The following CFHR4 variants were observed in gnomAD, a reference collection of about 807,000 sequenced individuals.
CFHR4 encodes the protein complement factor H related 4.
CFHR4 carries 64 observed loss-of-function variants against 69.3 expected under a neutral mutation model. The observed-to-expected ratio is 0.92, with a 90% CI of 0.76 to 1.14. CFHR4 has a LOEUF of 1.14. Ranked by LOEUF, CFHR4 falls within the 50% of genes most tolerant of loss-of-function variation. CFHR4 has a pLI of 0.00. For missense variants in CFHR4, 636 were observed against 684.9 expected (o/e 0.93, Z 0.80); for synonymous variants, 244 against 237.0 (o/e 1.03, Z -0.27).
At chr1:196,888,456 T>A (rs1377947841) in intron 1 of CFHR4, among the ~76,000 whole-genome samples, 1 of 151,242 alleles carries the variant, frequency 6.6e-6, no homozygotes, top group Non-Finnish European at 1.5e-5. Flanking sequence ...CATCTAATAT[T>A]CATTATGGAG....
At position 196,905,150 on chromosome 1, in the gene CFHR4, T is replaced by C. The variant is rs1422893778; in HGVS notation, c.299T>C (p.Ile100Thr). The C allele has an allele frequency of 6.2e-7, 1 of 1,606,046 alleles. No individual in the cohort carries two copies. The highest frequency in any genetic ancestry group is 1.1e-5 in the South Asian group (1 of 89,466). The part of the protein sequence containing the change: ...KSDVEIENGF[I>T]SESSSIYILN... ...GATGTAGAAATTGAAAATGGATTCA[T>C]TTCTGAATCTTCCTCTATTTATATT... Residue 100 changes from isoleucine (I) to threonine (T), a missense_variant, in exon 3 of 10, where the codon ATT becomes ACT. By Grantham distance (89) the Ile-to-Thr change is moderately conservative (BLOSUM62 -1). Transcript: ENST00000608469.
intron 5 of CFHR4, among the ~76,000 whole-genome samples, chr1:196,908,360 G>A (rs1045762663): frequency 2.0e-5 from 3 of 151,466 alleles, no homozygotes; most frequent in Admixed American, 1.3e-4. Flanking sequence ...AATGCTTCCT[G>A]ATAGAGCACA....
intron 1 of CFHR4, among the ~76,000 whole-genome samples, chr1:196,897,933 A>G (rs1447319398): frequency 6.6e-6 from 1 of 151,416 alleles, no homozygotes; most frequent in Non-Finnish European, 1.5e-5. Context: ...GACTCTCACT[A>G]AATCAACCAG....
Position 196,910,436 on chromosome 1 carries a change from C to T in CFHR4, c.955C>T (p.His319Tyr), listed in dbSNP as rs1381763507. ...TTCAGGAAGTTACTGGGATTACATTCACTGCACACAAGATGGGTGGTTGCC... is the reference window on the plus strand; with the variant it reads ...TTCAGGAAGTTACTGGGATTACATTTACTGCACACAAGATGGGTGGTTGCC... ...TPSGSYWDYI[H>Y]CTQDGWLPTV... Residue 319 changes from histidine to tyrosine, a missense_variant, in exon 6 of 10, where the codon CAC becomes TAC. Transcript: ENST00000608469. The T allele has an allele frequency of 2.2e-5, 35 of 1,612,766 alleles. No individual in the cohort carries two copies. The highest frequency in any genetic ancestry group is 2.9e-5 in the Non-Finnish European group (34 of 1,179,632).
chr1:196,889,680 G>T (rs1656914862), intron 1 of CFHR4, among the ~76,000 whole-genome samples: 1 of 151,498 alleles, frequency 6.6e-6, no homozygotes. Flanking sequence ...AAACATCTTT[G>T]TGAATTCAGT....
chr1:196,917,108 T>A (rs185660262), intron 9 of CFHR4, among the ~76,000 whole-genome samples: 1 of 149,480 alleles, frequency 6.7e-6, no homozygotes. Context: ...AAGTGATATG[T>A]ACTATGTTAA....
rs151179803 is a variant in CFHR4, at chr1:196,898,858, T to C, written c.59-3560T>C. Among the ~76,000 whole-genome samples the C allele has an allele frequency of 8.4e-3, 1,277 of 151,394 alleles. 52 individuals are homozygous for C. The highest frequency in any genetic ancestry group is 0.03 in the African/African-American group (1,227 of 41,036). ...CACTCACACAGATTTTGGTAGGAGG[T>C]CCCAGTACCTTACCACATTGTCCCC... On this transcript the variant is annotated intron_variant, in intron 1 of 9. Coordinates refer to ENST00000608469, the MANE Select transcript of CFHR4 (RefSeq NM_001201550.3).
At chr1:196,903,561 G>A (rs1342746184) in intron 2 of CFHR4, among the ~76,000 whole-genome samples, 1 of 151,122 alleles carries the variant, frequency 6.6e-6, no homozygotes, top group Non-Finnish European at 1.5e-5. Flanking sequence ...GCTGAGGCTG[G>A]AGAATGGCTT....
rs185135139 is a variant in CFHR4, at chr1:196,906,935, T to C, written c.514T>C (p.Leu172=). 48 of 1,612,468 alleles carry C rather than the reference T, an allele frequency of 3.0e-5. 1 individual carries two copies. In the East Asian group the frequency reaches 8.3e-4, roughly 28 times the overall value. Residue 172 remains leucine (L), a synonymous_variant, in exon 4 of 10, where the codon TTG becomes CTG. Coordinates refer to ENST00000608469, the MANE Select transcript of CFHR4 (RefSeq NM_001201550.3). ...CATGTGGTTTAAGCTCCATGACACATTGGACTATGAATGCTATGATGGATA... is the reference window on the plus strand; with the variant it reads ...CATGTGGTTTAAGCTCCATGACACACTGGACTATGAATGCTATGATGGATA... ...NGMWFKLHDT[L]DYECYDGYES...
intron 9 of CFHR4, among the ~76,000 whole-genome samples, chr1:196,915,843 C>G (rs1658588719): frequency 6.6e-6 from 1 of 151,288 alleles, no homozygotes; most frequent in Non-Finnish European, 1.5e-5. Flanking sequence ...ATTATTAACA[C>G]TGAGGTAGAG....
At chr1:196,889,874 C>T (rs904968726) in intron 1 of CFHR4, among the ~76,000 whole-genome samples, 2 of 151,338 alleles carry the variant, frequency 1.3e-5, no homozygotes, top group Non-Finnish European at 2.9e-5. Flanking sequence ...AAGGACACAC[C>T]ATATAGAGAA....
Position 196,910,452 on chromosome 1 carries a change from G to A in CFHR4, c.971G>A (p.Gly324Glu). 3 of 1,612,598 alleles carry A rather than the reference G, an allele frequency of 1.9e-6. No homozygotes were observed. The highest frequency in any genetic ancestry group is 2.5e-6 in the Non-Finnish European group (3 of 1,179,528). The part of the protein sequence containing the change: ...YWDYIHCTQD[G>E]WLPTVPCLRT... The stretch of plus-strand genomic sequence containing the variant: ...GATTACATTCACTGCACACAAGATG[G>A]GTGGTTGCCAACAGTCCCATGCCTC... Residue 324 changes from glycine (G) to glutamate (E), a missense_variant, in exon 6 of 10, where the codon GGG becomes GAG. Physicochemically the swap from Gly to Glu is moderately conservative, Grantham distance 98 (BLOSUM62 -2). Transcript: ENST00000608469.
intron 6 of CFHR4, among the ~76,000 whole-genome samples, chr1:196,912,033 T>C (rs757346351): frequency 2.6e-5 from 4 of 151,398 alleles, no homozygotes; most frequent in Admixed American, 2.0e-4. Flanking sequence ...AAAGAACATA[T>C]ACATTACTAA....
At position 196,892,208 on chromosome 1, in the gene CFHR4, T is replaced by C. The variant is rs116305327; in HGVS notation, c.58+4000T>C. On this transcript the variant is annotated intron_variant, in intron 1 of 9. Transcript: ENST00000608469. ...AAGTGGAATGAGGTTCTTCTTGTCT[T>C]GTTAGCTGATTTGGGAGCCACTAAG... 9.0e-3 allele frequency among the ~76,000 whole-genome samples: 1,370 copies of C among 151,562 alleles called. 64 individuals carry two copies. The highest frequency in any genetic ancestry group is 0.032 in the African/African-American group (1,303 of 41,116).
chr1:196,890,526 G>C (rs190342908), intron 1 of CFHR4, among the ~76,000 whole-genome samples: 3 of 151,394 alleles, frequency 2.0e-5, no homozygotes, highest in Admixed American at 6.6e-5. Flanking sequence ...ATTTAAAATA[G>C]GTTGTCAGGA....
In CFHR4 at chr1:196,897,672, C is replaced by T. The variant is rs7522691; in HGVS notation, c.59-4746C>T. 9.0e-3 allele frequency among the ~76,000 whole-genome samples: 1,364 copies of T among 151,488 alleles called. 48 individuals carry two copies. The highest frequency in any genetic ancestry group is 0.031 in the African/African-American group (1,268 of 41,074). On this transcript the variant is annotated intron_variant, in intron 1 of 9. Transcript: ENST00000608469. The stretch of plus-strand genomic sequence containing the variant: ...CTCCCCTAGCGGAACTCATTTCCCT[C>T]GGCATCCAGACATTCCTGCTCTTCT...
chr1:196,889,539 A>G (rs1656908474), intron 1 of CFHR4, among the ~76,000 whole-genome samples: 1 of 151,632 alleles, frequency 6.6e-6, no homozygotes, highest in East Asian at 1.9e-4. Flanking sequence ...ATTCCAGTTG[A>G]AAACTTTTCT....
intron 1 of CFHR4, among the ~76,000 whole-genome samples, chr1:196,902,078 A>G (rs1177504122): frequency 6.6e-6 from 1 of 151,546 alleles, no homozygotes; most frequent in African/African-American, 2.4e-5. Context: ...CAGGGCTCTG[A>G]TTTCTGATGG....
intron 1 of CFHR4, among the ~76,000 whole-genome samples, chr1:196,890,625 CAATT>C (rs1656973432): frequency 6.6e-6 from 1 of 151,390 alleles, no homozygotes; most frequent in Non-Finnish European, 1.5e-5. Context: ...TCAAAGGTGA[CAATT>C]AGTATTTTAG....
Sources: allele counts gnomAD v4.1 joint callset (sites outside exome capture counted in the v4.1 genomes callset), GRCh38; gene constraint gnomAD v4.1.1; transcripts MANE v1.5; gene names NCBI Gene and HGNC (gene_info 2026-07-23, HGNC 2026-07-21).